EIF3I: variants seen among roughly 807,000 people sequenced by gnomAD.
EIF3I encodes TGF-beta receptor-interacting protein 1.
A neutral mutation model predicts 43.3 loss-of-function variants in EIF3I; 20 were observed. The ratio of observed to expected loss-of-function variants is 0.46; its 90% confidence interval spans 0.32 to 0.67. EIF3I has a LOEUF of 0.67. Among genes scored for constraint, EIF3I ranks in the 30% least tolerant of loss-of-function variants. EIF3I has a pLI of 0.03. For missense variants in EIF3I, 279 were observed against 421.4 expected, an observed-to-expected ratio of 0.66 and a Z score of 2.96; for synonymous variants, 167 against 151.7, an observed-to-expected ratio of 1.10 and a Z score of -0.74.
chr1:32,231,642 G>A (rs1285249265), downstream of EIF3I: 1 of 175,448 alleles, frequency 5.7e-6, no homozygotes, highest in Non-Finnish European at 1.2e-5. Context: ...CCTTTTCACT[G>A]ACACCCCAGC....
Position 32,228,624 on chromosome 1 carries a change from C to T in EIF3I, c.639+15C>T, listed in dbSNP as rs376641132. On this transcript the variant is annotated intron_variant, in intron 7 of 11. Coordinates refer to ENST00000676679, the Ensembl canonical transcript of EIF3I. Reference sequence around the variant, plus strand: ...ACACAGCCAAGGTGAGCCTGGGCAGCGGTCTGGCAGGGCTGCTCCCTCCCT... The same window carrying T: ...ACACAGCCAAGGTGAGCCTGGGCAGTGGTCTGGCAGGGCTGCTCCCTCCCT... 5.9e-5 allele frequency: 95 copies of T among 1,611,648 alleles called. No individual in the cohort carries two copies. Among genetic ancestry groups the T allele is most frequent in the Middle Eastern group, 1.6e-4 (1 of 6,078 alleles).
intron 4 of EIF3I, among the ~76,000 whole-genome samples, chr1:32,225,725 A>G (rs1299195687): frequency 1.3e-5 from 2 of 150,340 alleles, no homozygotes; most frequent in Admixed American, 6.6e-5. Context: ...GCGAAACTCC[A>G]TCTCAAAAAA....
downstream of EIF3I, among the ~76,000 whole-genome samples, chr1:32,233,406 A>T (rs1275943761): frequency 1.3e-5 from 2 of 152,098 alleles, no homozygotes; most frequent in Non-Finnish European, 2.9e-5. Context: ...TGCCCACCTC[A>T]GCCTCCCAAA....
At chr1:32,226,016 G>C (rs72666791) in intron 4 of EIF3I, 155 bp from the exon 5 acceptor site, 82,145 of 1,003,096 alleles carry the variant, frequency 0.082, 5,077 homozygotes, top group South Asian at 0.23. Flanking sequence ...GAGTGAAACT[G>C]TCTCAAAAAA....
chr1:32,233,481 G>A (rs1424014029), downstream of EIF3I, among the ~76,000 whole-genome samples: 1 of 151,784 alleles, frequency 6.6e-6, no homozygotes, highest in Non-Finnish European at 1.5e-5. Context: ...AGTAGAGATG[G>A]GGTTTTACCA....
At chr1:32,230,475 G>A (rs1472486639) in intron 10 of EIF3I, among the ~76,000 whole-genome samples, 5 of 152,040 alleles carry the variant, frequency 3.3e-5, no homozygotes, top group Admixed American at 3.3e-4. Context: ...ACCCGCCTCG[G>A]CCTCCCAAAG....
intron 5 of EIF3I, 37 bp from the exon 6 acceptor site, chr1:32,226,366 C>G (rs1199508832): frequency 2.2e-5 from 36 of 1,612,962 alleles, no homozygotes; most frequent in Non-Finnish European, 3.0e-5. Context: ...GGGTACAGTT[C>G]TAGAGCCCAG....
chr1:32,225,678 G>A (rs1318447868), intron 4 of EIF3I, among the ~76,000 whole-genome samples: 3 of 148,342 alleles, frequency 2.0e-5, no homozygotes, highest in East Asian at 2.0e-4. Context: ...GCAGTGAGCC[G>A]AGATCACACC....
rs186642734 is a variant in EIF3I, at chr1:32,229,313, C to T, written c.803+105C>T. The T allele has an allele frequency of 5.6e-4, 689 of 1,226,330 alleles. 2 individuals are homozygous for T. The African/African-American group carries it at 9.6e-3, about 17-fold the overall frequency. The allele number at this position is 1,226,330 out of a possible 1,614,324, so 76.0% of individuals were successfully genotyped here. On this transcript the variant is annotated intron_variant, in intron 9 of 11. Coordinates refer to ENST00000676679, the Ensembl canonical transcript of EIF3I. ...TCTCGCTCTGTCGCCTAGGCTGGAG[C>T]GCAGTGGCGTGATCTCTGCTCACTG...
At chr1:32,231,197 G>A (rs776378602) in exon 12 of EIF3I, 3 of 1,613,406 alleles carry the variant, frequency 1.9e-6, no homozygotes, top group East Asian at 4.5e-5. Flanking sequence ...TGAGGCTTAA[G>A]AAGCTGGATC....
downstream of EIF3I, among the ~76,000 whole-genome samples, chr1:32,233,596 T>C (rs1639266263): frequency 6.6e-6 from 1 of 152,194 alleles, no homozygotes; most frequent in Admixed American, 6.5e-5. Context: ...GGCCAGATTA[T>C]GGCTGCTCTT....
exon 5 of EIF3I, chr1:32,226,309 C>A (rs747571117): frequency 6.2e-7 from 1 of 1,614,094 alleles, no homozygotes; most frequent in East Asian, 2.2e-5. Context: ...CTGCGGGATC[C>A]GAGCCAGATT....
intron 6 of EIF3I, among the ~76,000 whole-genome samples, chr1:32,227,024 G>C (rs1353524685): frequency 6.6e-6 from 1 of 150,984 alleles, no homozygotes; most frequent in Admixed American, 6.6e-5. Flanking sequence ...GTAGAGATGG[G>C]GTTTCTCCAT....
chr1:32,228,536 G>A (rs900453910), exon 7 of EIF3I: 1 of 1,614,104 alleles, frequency 6.2e-7, no homozygotes, highest in Non-Finnish European at 8.5e-7. Context: ...GAGCACTCCC[G>A]GCAGATCAAC....
chr1:32,234,382 C>T (rs1172402739), downstream of EIF3I: 1 of 152,474 alleles, frequency 6.6e-6, no homozygotes, highest in Non-Finnish European at 1.5e-5. Context: ...CCTAAGCTAC[C>T]TCAACACCCC....
At chr1:32,223,988 T>G in intron 2 of EIF3I, 46 bp from the exon 3 acceptor site, 1 of 1,585,638 alleles carries the variant, frequency 6.3e-7, no homozygotes. Flanking sequence ...TAGGAAGCCA[T>G]TGCTCTTACT....
chr1:32,226,234 G>A, exon 5 of EIF3I: 1 of 1,614,046 alleles, frequency 6.2e-7, no homozygotes, highest in Non-Finnish European at 8.5e-7. Flanking sequence ...GACTTTGGGG[G>A]CAACATCATC....
At position 32,228,938 on chromosome 1, in the gene EIF3I, C is replaced by T. The variant is rs1291249643; in HGVS notation, c.729+122C>T. 8 of 1,078,240 alleles carry T rather than the reference C, an allele frequency of 7.4e-6. No individual in the cohort carries two copies. In the Admixed American group the frequency reaches 1.0e-4, roughly 14 times the overall value. The allele number at this position is 1,078,240 out of a possible 1,614,324, so 66.8% of individuals were successfully genotyped here. A position where few individuals can be genotyped will look rare whatever the true frequency, so the allele number is the denominator to read the frequency against. ...TGATGTCAGGCAGAGAGGAGATGCC[C>T]AGAGGAGTGACAAAGCTGGAAGGAT... is the stretch of plus-strand genomic sequence containing the variant. On this transcript the variant is annotated intron_variant, in intron 8 of 11. Transcript: ENST00000676679.
At position 32,229,316 on chromosome 1, in the gene EIF3I, A is replaced by G. The variant is rs565503290; in HGVS notation, c.803+108A>G. 8 of 1,192,884 alleles carry G rather than the reference A, an allele frequency of 6.7e-6. No individual in the cohort carries two copies. In the South Asian group the frequency reaches 1.2e-4, roughly 17 times the overall value. The allele number at this position is 1,192,884 out of a possible 1,614,324, so 73.9% of individuals were successfully genotyped here. On this transcript the variant is annotated intron_variant, in intron 9 of 11. Coordinates refer to ENST00000676679, the Ensembl canonical transcript of EIF3I. ...CGCTCTGTCGCCTAGGCTGGAGCGCAGTGGCGTGATCTCTGCTCACTGCAA... is the reference window on the plus strand; with the variant it reads ...CGCTCTGTCGCCTAGGCTGGAGCGCGGTGGCGTGATCTCTGCTCACTGCAA...
Sources: gnomAD v4.1 joint callset for allele counts (sites outside exome capture counted in the v4.1 genomes callset) on GRCh38, gnomAD v4.1.1 for gene constraint, MANE v1.5 for transcripts, NCBI Gene and HGNC (gene_info 2026-07-23, HGNC 2026-07-21) for gene names.